The following HIP1 variants were observed in gnomAD, a reference collection of about 807,000 sequenced individuals.
HIP1 encodes the protein huntingtin interacting protein 1.
Under a neutral mutation model 147.6 loss-of-function variants are expected in HIP1, and 65 were observed. The ratio of observed to expected loss-of-function variants is 0.44; its 90% CI spans 0.36 to 0.54. HIP1 has a LOEUF of 0.54. Ranked by LOEUF, HIP1 falls within the 20% of genes least tolerant of loss-of-function variation. The pLI, the probability that HIP1 is intolerant of heterozygous loss-of-function variation, is 0.00. For missense variants in HIP1, 1,061 were observed against 1,299.6 expected, an observed-to-expected ratio of 0.82 and a Z score of 2.82; for synonymous variants, 479 against 504.0, an observed-to-expected ratio of 0.95 and a Z score of 0.67.
At position 75,534,375 on chromosome 7, in the gene HIP1, T is replaced by G. The variant is rs1322372588; in HGVS notation, c.*3797A>C. On this transcript the variant is annotated 3_prime_UTR_variant, in exon 31 of 31. Transcript: ENST00000336926. ...CTAAACTAGTCTCATTTAAACTCCT[T>G]GCTCAGATATAAAATAACCCTGCCA... 2 of 206,246 alleles carry G rather than the reference T, an allele frequency of 9.7e-6. No individual in the cohort carries two copies. Among genetic ancestry groups the G allele is most frequent in the Non-Finnish European group, 2.0e-5 (2 of 100,992 alleles). 12.8% of individuals were successfully genotyped at this position (206,246 alleles called of 1,614,324 possible).
chr7:75,694,642 C>T (rs1800576903), intron 1 of HIP1, among the ~76,000 whole-genome samples: 1 of 149,846 alleles, frequency 6.7e-6, no homozygotes, highest in South Asian at 2.1e-4. Flanking sequence ...TCCTGAGTAG[C>T]TGAGACTACA....
chr7:75,734,953 C>T (rs539861435), intron 1 of HIP1, among the ~76,000 whole-genome samples: 5 of 152,248 alleles, frequency 3.3e-5, no homozygotes, highest in African/African-American at 9.6e-5. Flanking sequence ...CCACATCTAT[C>T]CCTCTAAGGA....
chr7:75,573,695 T>A (rs948455589), intron 8 of HIP1, 66 bp downstream of exon 8: 1 of 1,515,858 alleles, frequency 6.6e-7, no homozygotes, highest in African/African-American at 1.4e-5. Flanking sequence ...TCTGGGGACA[T>A]CCTCAGGCTG....
intron 7 of HIP1, 74 bp from the exon 8 acceptor site, chr7:75,573,975 C>T: frequency 7.2e-7 from 1 of 1,394,924 alleles, no homozygotes; most frequent in South Asian, 1.3e-5. Flanking sequence ...GGGGCAGAGG[C>T]AGGGGTCCAA....
chr7:75,595,283 C>CCTTCCTTTCTTTTTCTCT lies in HIP1; in HGVS notation c.185-2770_185-2769insAGAGAAAAAGAAAGGAAG, dbSNP rs1554501698. Among the ~76,000 whole-genome samples the CCTTCCTTTCTTTTTCTCT allele has an allele frequency of 6.4e-3, 535 of 83,194 alleles. 11 individuals are homozygous for CCTTCCTTTCTTTTTCTCT. Among genetic ancestry groups the CCTTCCTTTCTTTTTCTCT allele is most frequent in the Non-Finnish European group, 9.2e-3 (426 of 46,496 alleles). The allele number at this position is 83,194 out of a possible 152,430, so 54.6% of individuals were successfully genotyped here. A position where few individuals can be genotyped will look rare whatever the true frequency, so the allele number is the denominator to read the frequency against. On this transcript the variant is annotated intron_variant, in intron 2 of 30. Coordinates refer to ENST00000336926, the MANE Select transcript of HIP1 (RefSeq NM_005338.7). ...TCCTTCCTTCCTTCCTTCCTTCCTTCCTTTCTTTCTTTCTCTCTCTCCCTT... is the reference window on the plus strand; with the variant it reads ...TCCTTCCTTCCTTCCTTCCTTCCTTCCTTCCTTTCTTTTTCTCTCTTTCTTTCTTTCTCTCTCTCCCTT...
chr7:75,649,947 G>A (rs1321096417), intron 1 of HIP1, among the ~76,000 whole-genome samples: 3 of 152,048 alleles, frequency 2.0e-5, no homozygotes, highest in Non-Finnish European at 4.4e-5. Flanking sequence ...TTAAACACAG[G>A]TGTCCATGGT....
intron 18 of HIP1, among the ~76,000 whole-genome samples, chr7:75,555,768 C>G (rs587627131): frequency 6.6e-6 from 1 of 152,016 alleles, no homozygotes; most frequent in Non-Finnish European, 1.5e-5. Flanking sequence ...GGATGGATCA[C>G]TGCGCCCGCT....
intron 1 of HIP1, among the ~76,000 whole-genome samples, chr7:75,620,349 G>A (rs1273541179): frequency 1.4e-5 from 2 of 142,868 alleles, no homozygotes; most frequent in Non-Finnish European, 3.0e-5. Context: ...TTGCGCCACT[G>A]TACACCAGCC....
Position 75,652,964 on chromosome 7 carries a change from T to A in HIP1, c.121-53717A>T, listed in dbSNP as rs567097976. On this transcript the variant is annotated intron_variant, in intron 1 of 30. Transcript: ENST00000336926. ...CAGCAAAGCTCACAGGAGGTGCTCC[T>A]GAGGTCAGCTGAGTGTGACAGTTAA... Among the ~76,000 whole-genome samples the A allele has an allele frequency of 1.2e-3, 176 of 152,266 alleles. 1 individual carries two copies. The highest frequency in any genetic ancestry group is 3.4e-3 in the Middle Eastern group (1 of 294).
At chr7:75,629,515 T>C (rs1194764624) in intron 1 of HIP1, among the ~76,000 whole-genome samples, 1 of 151,882 alleles carries the variant, frequency 6.6e-6, no homozygotes, top group African/African-American at 2.4e-5. Flanking sequence ...GTGCATCCTG[T>C]ATTTCCTTCA....
intron 17 of HIP1, 47 bp downstream of exon 17, chr7:75,556,663 G>A: frequency 8.2e-7 from 1 of 1,226,244 alleles, no homozygotes; most frequent in Non-Finnish European, 1.2e-6. Context: ...TCCAACCTGA[G>A]TGACAGAAGA....
chr7:75,664,583 T>TAC (rs1186266065), intron 1 of HIP1, among the ~76,000 whole-genome samples: 2 of 145,730 alleles, frequency 1.4e-5, no homozygotes, highest in Middle Eastern at 3.5e-3. Flanking sequence ...TACATACATA[T>TAC]ATATATGTAT....
intron 2 of HIP1, among the ~76,000 whole-genome samples, chr7:75,597,833 CT>C (rs1796805097): frequency 6.6e-6 from 1 of 152,002 alleles, no homozygotes; most frequent in Non-Finnish European, 1.5e-5. Context: ...AGCCACCCCC[CT>C]GGCAGACTCT....
chr7:75,694,474 CTTTCTTTT>C (rs1554518548), intron 1 of HIP1, among the ~76,000 whole-genome samples: 1 of 148,710 alleles, frequency 6.7e-6, no homozygotes, highest in Non-Finnish European at 1.5e-5. Context: ...TAGATTGATT[CTTTCTTTT>C]TTTCTTTTTC....
In HIP1 at chr7:75,537,492, G is replaced by A. The variant is rs587765632; in HGVS notation, c.*680C>T. On this transcript the variant is annotated 3_prime_UTR_variant, in exon 31 of 31. Coordinates refer to ENST00000336926, the MANE Select transcript of HIP1 (RefSeq NM_005338.7). ...TCAGCCCCAGGGGTGTGCCCTTTGG[G>A]AGAGTTGGCTATGTGAGTGAAACTT... The A allele has an allele frequency of 4.0e-4, 92 of 231,760 alleles. No homozygotes were observed. Among genetic ancestry groups the A allele is most frequent in the Middle Eastern group, 1.3e-3 (1 of 774 alleles). The allele number at this position is 231,760 out of a possible 1,614,324, so 14.4% of individuals were successfully genotyped here. A position where few individuals can be genotyped will look rare whatever the true frequency, so the allele number is the denominator to read the frequency against.
intron 1 of HIP1, among the ~76,000 whole-genome samples, chr7:75,610,382 T>G (rs1797389700): frequency 6.6e-6 from 1 of 151,690 alleles, no homozygotes; most frequent in African/African-American, 2.4e-5. Context: ...GCTAATTTTT[T>G]TGTATTTTTT....
chr7:75,662,289 C>T (rs1035671797), intron 1 of HIP1, among the ~76,000 whole-genome samples: 7 of 151,932 alleles, frequency 4.6e-5, no homozygotes, highest in Non-Finnish European at 7.4e-5. Context: ...GCTCCAGTAA[C>T]CCTCCCACCC....
At chr7:75,731,478 CA>C (rs1214036700) in intron 1 of HIP1, among the ~76,000 whole-genome samples, 7,073 of 36,260 alleles carry the variant, frequency 0.2, 75 homozygotes, top group Non-Finnish European at 0.24. Context: ...GACTCCAACT[CA>C]AAAAAAAAAA....
At chr7:75,602,350 C>T (rs1375866569) in intron 1 of HIP1, among the ~76,000 whole-genome samples, 14 of 106,302 alleles carry the variant, frequency 1.3e-4, no homozygotes, top group African/African-American at 3.3e-4. Flanking sequence ...GATAGGGTTT[C>T]GCTGTCTTGC....
Sources: allele counts gnomAD v4.1 joint callset (sites outside exome capture counted in the v4.1 genomes callset), GRCh38; gene constraint gnomAD v4.1.1; transcripts MANE v1.5; gene names NCBI Gene and HGNC (gene_info 2026-07-23, HGNC 2026-07-21).